BNC2: variants seen among roughly 807,000 people sequenced by gnomAD.
BNC2 encodes the protein zinc finger protein basonuclin-2.
A neutral mutation model predicts 76.3 loss-of-function variants in BNC2; 20 were observed. That is an observed-to-expected ratio of 0.26 (90% CI 0.18 to 0.38). BNC2 has a LOEUF of 0.38. Among genes scored for constraint, BNC2 ranks in the 10% least tolerant of loss-of-function variants. The pLI, the probability that BNC2 is intolerant of heterozygous loss-of-function variation, is 1.00. For missense variants in BNC2, 1,382 were observed against 1,399.8 expected, an observed-to-expected ratio of 0.99 and a Z score of 0.20; for synonymous variants, 582 against 514.8, an observed-to-expected ratio of 1.13 and a Z score of -1.77.
intron 3 of BNC2, among the ~76,000 whole-genome samples, chr9:16,709,346 G>A (rs1478606150): frequency 2.0e-5 from 3 of 152,234 alleles, no homozygotes; most frequent in Admixed American, 6.5e-5. Flanking sequence ...CGCTGCCATC[G>A]TCAGAATTTA....
At chr9:16,680,564 T>C (rs1447523322) in intron 3 of BNC2, among the ~76,000 whole-genome samples, 1 of 151,208 alleles carries the variant, frequency 6.6e-6, no homozygotes, top group African/African-American at 2.4e-5. Flanking sequence ...TGGATTATTT[T>C]TTAAATGTTT....
intron 4 of BNC2, among the ~76,000 whole-genome samples, chr9:16,556,565 C>T (rs1818838646): frequency 6.6e-6 from 1 of 151,860 alleles, no homozygotes; most frequent in Non-Finnish European, 1.5e-5. Flanking sequence ...GTCAAGAGAT[C>T]AAGACCATTC....
chr9:16,575,372 C>T (rs1587190276), intron 4 of BNC2: 1 of 985,380 alleles, frequency 1.0e-6, no homozygotes, highest in Non-Finnish European at 1.2e-6. Flanking sequence ...CCAGGTCTTG[C>T]CAGCCTCACT....
At chr9:16,798,801 T>C (rs1817716959) in intron 1 of BNC2, among the ~76,000 whole-genome samples, 1 of 152,128 alleles carries the variant, frequency 6.6e-6, no homozygotes, top group Admixed American at 6.5e-5. Context: ...AATATAAATA[T>C]AATAAACATA....
intron 3 of BNC2, among the ~76,000 whole-genome samples, chr9:16,692,910 A>C (rs1366584730): frequency 6.6e-6 from 1 of 151,976 alleles, no homozygotes; most frequent in Non-Finnish European, 1.5e-5. Context: ...TGGGTGGATT[A>C]CCTGAGGTCA....
chr9:16,590,500 A>C (rs1312606509), intron 3 of BNC2, among the ~76,000 whole-genome samples: 6 of 151,984 alleles, frequency 3.9e-5, no homozygotes. Flanking sequence ...GCTTAAAAAA[A>C]GAAAATTTGT....
intron 1 of BNC2, among the ~76,000 whole-genome samples, chr9:16,794,586 T>C (rs1469040893): frequency 6.6e-6 from 1 of 152,146 alleles, no homozygotes; most frequent in Non-Finnish European, 1.5e-5. Context: ...CCTGGGTCCC[T>C]GTAACTTAAG....
At chr9:16,699,200 C>T (rs1360305024) in intron 3 of BNC2, 1 of 471,162 alleles carries the variant, frequency 2.1e-6, no homozygotes, top group East Asian at 7.0e-5. Context: ...TGCACATCTA[C>T]AAACTGTCAT....
intron 5 of BNC2, among the ~76,000 whole-genome samples, chr9:16,530,167 TG>T (rs1817932581): frequency 6.6e-6 from 1 of 151,928 alleles, no homozygotes; most frequent in Admixed American, 6.6e-5. Context: ...TTTTGTTTTT[TG>T]TTTTTTTTTT....
At chr9:16,584,581 T>G (rs1447590007) in intron 3 of BNC2, among the ~76,000 whole-genome samples, 2 of 152,302 alleles carry the variant, frequency 1.3e-5, no homozygotes, top group Non-Finnish European at 2.9e-5. Context: ...TTGTATAATC[T>G]CCCTGATATT....
intron 3 of BNC2, among the ~76,000 whole-genome samples, chr9:16,597,041 C>A (rs1820108627): frequency 1.3e-5 from 2 of 151,970 alleles, no homozygotes; most frequent in African/African-American, 2.4e-5. Context: ...GAAATCATTT[C>A]TTTTTCTTTT....
chr9:16,477,767 A>C lies in BNC2; in HGVS notation c.670-40243T>G, dbSNP rs182049380. On this transcript the variant is annotated intron_variant, in intron 5 of 6. Transcript: ENST00000380672. ...TTCTTTGTATCATGATCCTGAATCA[A>C]GAGGTGTTTTTTCTTGAATGCTTTC... 3.9e-5 allele frequency among the ~76,000 whole-genome samples: 6 copies of C among 152,260 alleles called. No individual in the cohort carries two copies. The East Asian group carries it at 1.2e-3, about 29-fold the overall frequency.
chr9:16,782,700 T>C (rs1007062701), intron 1 of BNC2, among the ~76,000 whole-genome samples: 1 of 152,114 alleles, frequency 6.6e-6, no homozygotes, highest in Non-Finnish European at 1.5e-5. Context: ...TTCCACACCA[T>C]TTATCATAGT....
intron 1 of BNC2, among the ~76,000 whole-genome samples, chr9:16,780,570 T>TA (rs57645322): frequency 0.26 from 38,265 of 147,360 alleles, 6,290 homozygotes; most frequent in East Asian, 0.72. Flanking sequence ...GACTCCGCCT[T>TA]AAAAAAAAAA....
At chr9:16,662,631 G>A (rs1245622109) in intron 3 of BNC2, among the ~76,000 whole-genome samples, 3 of 152,134 alleles carry the variant, frequency 2.0e-5, no homozygotes, top group Non-Finnish European at 4.4e-5. Context: ...AGCTACTCAG[G>A]AGGCTGAGGC....
chr9:16,730,918 CAATAAT>C (rs1317521500), intron 2 of BNC2, among the ~76,000 whole-genome samples: 1 of 152,132 alleles, frequency 6.6e-6, no homozygotes, highest in East Asian at 1.9e-4. Flanking sequence ...AATCCAGACT[CAATAAT>C]AAATAAGATT....
intron 3 of BNC2, among the ~76,000 whole-genome samples, chr9:16,623,516 A>G (rs1428816850): frequency 1.3e-5 from 2 of 152,236 alleles, no homozygotes; most frequent in Admixed American, 1.3e-4. Context: ...GAAAACCATC[A>G]GAATGGCTTA....
At chr9:16,638,688 A>C (rs186130235) in intron 3 of BNC2, among the ~76,000 whole-genome samples, 29 of 152,304 alleles carry the variant, frequency 1.9e-4, no homozygotes, top group Non-Finnish European at 2.9e-4. Flanking sequence ...ACAACCTTTA[A>C]AAGAAAAAAA....
chr9:16,639,997 G>C (rs959230363), intron 3 of BNC2, among the ~76,000 whole-genome samples: 8 of 151,696 alleles, frequency 5.3e-5, no homozygotes, highest in Non-Finnish European at 2.9e-5. Context: ...GATTTTTTAA[G>C]AGTGATTTTG....
Sources: allele counts gnomAD v4.1 joint callset (sites outside exome capture counted in the v4.1 genomes callset), GRCh38; gene constraint gnomAD v4.1.1; transcripts MANE v1.5; gene names NCBI Gene and HGNC (gene_info 2026-07-23, HGNC 2026-07-21).